Variants in GPC5 observed in about 807,000 individuals in gnomAD.
GPC5 encodes glypican-5.
In GPC5, 47 loss-of-function variants were observed where a neutral mutation model predicts 53.9. The observed-to-expected ratio is 0.87, with a 90% CI of 0.69 to 1.11. The LOEUF is 1.11. Among genes scored for constraint, GPC5 ranks in the 50% most tolerant of loss-of-function variants. GPC5 has a pLI of 0.00. For missense variants in GPC5, 748 were observed against 713.1 expected (o/e 1.05, Z -0.56); for synonymous variants, 286 against 263.3 (o/e 1.09, Z -0.84).
At chr13:91,961,001 C>T (rs1014678191) in intron 6 of GPC5, among the ~76,000 whole-genome samples, 3 of 151,882 alleles carry the variant, frequency 2.0e-5, no homozygotes, top group Middle Eastern at 3.4e-3. Flanking sequence ...ATGGTTGAGA[C>T]CTCAAAAGCA....
At chr13:92,299,332 C>T (rs912886275) in intron 7 of GPC5, among the ~76,000 whole-genome samples, 1 of 152,266 alleles carries the variant, frequency 6.6e-6, no homozygotes, top group Non-Finnish European at 1.5e-5. Context: ...CTCTTGACGG[C>T]AGCTGCTTTA....
At chr13:91,433,200 C>CT (rs555467316) in intron 1 of GPC5, among the ~76,000 whole-genome samples, 42 of 144,638 alleles carry the variant, frequency 2.9e-4, no homozygotes, top group East Asian at 4.0e-4. Context: ...TTCCCAGGCT[C>CT]TTTTTTTTTT....
intron 6 of GPC5, among the ~76,000 whole-genome samples, chr13:92,091,498 A>G (rs4773664): frequency 0.45 from 68,578 of 151,676 alleles, 16,380 homozygotes; most frequent in East Asian, 0.79. Context: ...TAAATGAACA[A>G]CGCATTTATT....
chr13:92,031,820 T>TAA (rs2040850724), intron 6 of GPC5, among the ~76,000 whole-genome samples: 1 of 107,968 alleles, frequency 9.3e-6, no homozygotes, highest in African/African-American at 3.9e-5. Flanking sequence ...ATATTACATA[T>TAA]TATATATAAT....
chr13:91,437,697 T>C (rs1487865559), intron 1 of GPC5, among the ~76,000 whole-genome samples: 1 of 152,230 alleles, frequency 6.6e-6, no homozygotes. Flanking sequence ...TGAATTTGAA[T>C]GTTGGCCTGC....
At chr13:92,717,359 G>C (rs1271345516) in intron 7 of GPC5, among the ~76,000 whole-genome samples, 1 of 152,070 alleles carries the variant, frequency 6.6e-6, no homozygotes, top group Non-Finnish European at 1.5e-5. Flanking sequence ...TCTGCCGCCA[G>C]ACATATACCA....
At chr13:91,631,634 G>C (rs2034160920) in intron 2 of GPC5, among the ~76,000 whole-genome samples, 1 of 152,068 alleles carries the variant, frequency 6.6e-6, no homozygotes, top group Non-Finnish European at 1.5e-5. Context: ...CGCTCAAAGG[G>C]AGGCTTTATC....
intron 6 of GPC5, among the ~76,000 whole-genome samples, chr13:92,002,100 C>G (rs1338173394): frequency 6.6e-6 from 1 of 151,866 alleles, no homozygotes; most frequent in Non-Finnish European, 1.5e-5. Flanking sequence ...GTTTACCCCT[C>G]TCTCTGTATG....
At chr13:91,731,758 A>G (rs2036703647) in intron 4 of GPC5, among the ~76,000 whole-genome samples, 2 of 152,010 alleles carry the variant, frequency 1.3e-5, no homozygotes, top group South Asian at 4.2e-4. Context: ...TTCAGTTCCC[A>G]CTTAGGAGTG....
At chr13:92,370,667 G>A (rs2043642814) in intron 7 of GPC5, among the ~76,000 whole-genome samples, 1 of 152,046 alleles carries the variant, frequency 6.6e-6, no homozygotes, top group Non-Finnish European at 1.5e-5. Flanking sequence ...GATTTGTTTA[G>A]ATGTTTTACT....
At chr13:92,684,931 T>G (rs183170522) in intron 7 of GPC5, among the ~76,000 whole-genome samples, 1 of 152,316 alleles carries the variant, frequency 6.6e-6, no homozygotes, top group African/African-American at 2.4e-5. Flanking sequence ...TTTTGGCCAT[T>G]ATAATAGGTA....
chr13:92,572,451 A>G (rs1243889439), intron 7 of GPC5, among the ~76,000 whole-genome samples: 1 of 152,178 alleles, frequency 6.6e-6, no homozygotes, highest in South Asian at 2.1e-4. Context: ...TTCTGTTTTC[A>G]GCAGGGAAGA....
intron 7 of GPC5, among the ~76,000 whole-genome samples, chr13:92,304,366 G>A (rs1012909216): frequency 2.6e-5 from 4 of 151,812 alleles, no homozygotes; most frequent in East Asian, 3.9e-4. Flanking sequence ...CACCACGCCC[G>A]GCTAATTTTT....
At chr13:91,689,292 G>A (rs342674) in intron 2 of GPC5, among the ~76,000 whole-genome samples, 29,162 of 140,874 alleles carry the variant, frequency 0.21, 3,869 homozygotes, top group African/African-American at 0.37. Flanking sequence ...AGGGCACATA[G>A]CATGAGTGGA....
intron 7 of GPC5, among the ~76,000 whole-genome samples, chr13:92,604,832 T>C (rs2139086225): frequency 6.6e-6 from 1 of 152,346 alleles, no homozygotes; most frequent in East Asian, 1.9e-4. Context: ...TATAGATTTT[T>C]CCGGACAATA....
chr13:92,139,194 G>A (rs986779635), intron 6 of GPC5, among the ~76,000 whole-genome samples: 5 of 152,046 alleles, frequency 3.3e-5, no homozygotes, highest in Non-Finnish European at 7.4e-5. Context: ...AAATAATTAA[G>A]CAAGACCACA....
chr13:92,147,383 TTGTG>T (rs1318546620), intron 7 of GPC5, among the ~76,000 whole-genome samples: 5 of 151,894 alleles, frequency 3.3e-5, no homozygotes, highest in Admixed American at 6.6e-5. Context: ...AAGCATTTTT[TTGTG>T]TGTGAGTGTG....
At chr13:91,634,700 T>C (rs111467974) in intron 2 of GPC5, among the ~76,000 whole-genome samples, 544 of 152,230 alleles carry the variant, frequency 3.6e-3, no homozygotes, top group African/African-American at 0.011. Flanking sequence ...GAAATTAATA[T>C]AGTTTTATAT....
intron 7 of GPC5, among the ~76,000 whole-genome samples, chr13:92,196,808 C>G (rs968028642): frequency 1.7e-5 from 1 of 59,892 alleles, no homozygotes; most frequent in African/African-American, 4.9e-5. Flanking sequence ...GATAAACAGG[C>G]GCAGACAGAA....
Sources: gnomAD v4.1 joint callset for allele counts (sites outside exome capture counted in the v4.1 genomes callset) on GRCh38, gnomAD v4.1.1 for gene constraint, MANE v1.5 for transcripts, NCBI Gene and HGNC (gene_info 2026-07-23, HGNC 2026-07-21) for gene names.